The following FNDC3A variants were observed in gnomAD, a reference collection of about 807,000 sequenced individuals.
FNDC3A encodes fibronectin type-III domain-containing protein 3A.
Under a neutral mutation model 148.9 loss-of-function variants are expected in FNDC3A, and 32 were observed. The observed-to-expected ratio is 0.21, with a 90% CI of 0.16 to 0.29. The LOEUF is 0.29. FNDC3A is among the 10% of genes least tolerant of loss of function. The pLI, the probability that FNDC3A is intolerant of heterozygous loss-of-function variation, is 1.00. For missense variants in FNDC3A, 1,191 were observed against 1,452.8 expected (o/e 0.82, Z 2.93); for synonymous variants, 472 against 473.6 (o/e 1.00, Z 0.04).
Position 49,209,514 on chromosome 13 carries a change from AT to A in FNDC3A, c.*2120del, listed in dbSNP as rs1430219319. The A allele has an allele frequency of 6.5e-6, 1 of 152,672 alleles. No individual in the cohort carries two copies. The highest frequency in any genetic ancestry group is 2.4e-5 in the African/African-American group (1 of 41,460). The allele number at this position is 152,672 out of a possible 1,614,324, so 9.5% of individuals were successfully genotyped here. On this transcript the variant is annotated 3_prime_UTR_variant, in exon 26 of 26. Coordinates refer to ENST00000492622, the MANE Select transcript of FNDC3A (RefSeq NM_001079673.2). ...AATGAACTTCATACAAATGAAAAAA[AT>A]CTCATAAAAATACATAAACTATGTA...
intron 8 of FNDC3A, among the ~76,000 whole-genome samples, chr13:49,155,194 G>C (rs577190256): frequency 6.6e-6 from 1 of 152,094 alleles, no homozygotes; most frequent in Admixed American, 6.5e-5. Context: ...CACAATTTCA[G>C]CTCCTGTTAT....
chr13:49,203,802 G>GA (rs1245433135), intron 25 of FNDC3A, among the ~76,000 whole-genome samples: 15 of 152,140 alleles, frequency 9.9e-5, no homozygotes, highest in African/African-American at 3.6e-4. Context: ...TATTAAATCT[G>GA]ATGAACATAA....
chr13:49,204,931 C>G (rs966513754), intron 25 of FNDC3A, among the ~76,000 whole-genome samples: 2 of 152,156 alleles, frequency 1.3e-5, no homozygotes, highest in African/African-American at 4.8e-5. Context: ...TCATCTTGGT[C>G]TCCAAGCTTT....
chr13:49,054,584 C>A (rs1414597824), intron 2 of FNDC3A, among the ~76,000 whole-genome samples: 1 of 152,262 alleles, frequency 6.6e-6, no homozygotes, highest in East Asian at 1.9e-4. Flanking sequence ...TCACCTTTCT[C>A]ATCTCCAGAT....
intron 5 of FNDC3A, among the ~76,000 whole-genome samples, chr13:49,133,350 C>G (rs1445861927): frequency 6.6e-6 from 1 of 152,092 alleles, no homozygotes; most frequent in Admixed American, 6.5e-5. Context: ...GCTAGTATTA[C>G]AATTATTACT....
At chr13:49,088,249 A>T (rs976281465) in intron 3 of FNDC3A, among the ~76,000 whole-genome samples, 1 of 152,214 alleles carries the variant, frequency 6.6e-6, no homozygotes, top group African/African-American at 2.4e-5. Context: ...ATCCCAGTAG[A>T]TAGTTACATA....
At chr13:49,025,851 G>C (rs1323908600) in intron 2 of FNDC3A, among the ~76,000 whole-genome samples, 1 of 152,172 alleles carries the variant, frequency 6.6e-6, no homozygotes, top group African/African-American at 2.4e-5. Context: ...CAGTCAATTT[G>C]GAGAGTGATA....
intron 2 of FNDC3A, among the ~76,000 whole-genome samples, chr13:49,014,735 T>G (rs1472385339): frequency 7.5e-5 from 9 of 119,812 alleles, no homozygotes; most frequent in Admixed American, 1.8e-4. Flanking sequence ...GTTTTAGGTC[T>G]AACGTTTAAG....
chr13:48,991,176 C>G (rs1008830897), intron 1 of FNDC3A, among the ~76,000 whole-genome samples: 3 of 152,082 alleles, frequency 2.0e-5, no homozygotes, highest in Non-Finnish European at 2.9e-5. Context: ...AAAATTAAGA[C>G]CCAAATATTT....
intron 2 of FNDC3A, among the ~76,000 whole-genome samples, chr13:49,043,002 CTG>C (rs1875064340): frequency 6.6e-6 from 1 of 152,082 alleles, no homozygotes; most frequent in Admixed American, 6.5e-5. Context: ...GTCACCAAGA[CTG>C]GAATGCAGTG....
intron 1 of FNDC3A, among the ~76,000 whole-genome samples, chr13:48,997,740 G>T (rs1211090980): frequency 6.6e-6 from 1 of 152,182 alleles, no homozygotes; most frequent in Non-Finnish European, 1.5e-5. Context: ...GTTGTTTAAA[G>T]CAACCAGACT....
intron 8 of FNDC3A, among the ~76,000 whole-genome samples, chr13:49,153,946 G>A (rs1411086229): frequency 1.8e-4 from 24 of 136,070 alleles, no homozygotes; most frequent in Admixed American, 4.7e-4. Context: ...TTGAAGTCAG[G>A]TAGTGTGATA....
intron 8 of FNDC3A, among the ~76,000 whole-genome samples, chr13:49,159,319 T>G (rs901176368): frequency 2.0e-5 from 3 of 152,226 alleles, no homozygotes; most frequent in Admixed American, 6.5e-5. Flanking sequence ...GTAGTTCTCC[T>G]TGAAGAGGTC....
At chr13:49,070,889 TTTTTGTTTTGTTTTTTTTC>T (rs1385821786) in intron 2 of FNDC3A, among the ~76,000 whole-genome samples, 11 of 145,064 alleles carry the variant, frequency 7.6e-5, no homozygotes, top group Non-Finnish European at 1.2e-4. Flanking sequence ...TTCTTTTTTT[TTTTTGTTTTGTTTTTTTTC>T]TTTTTTTTGA....
At chr13:49,175,238 A>G (rs767967091) in intron 12 of FNDC3A, 129 bp from the exon 13 acceptor site, 1 of 555,716 alleles carries the variant, frequency 1.8e-6, no homozygotes, top group Non-Finnish European at 3.0e-6. Context: ...CAAACCCAAG[A>G]TATATTATTT....
In FNDC3A at chr13:49,169,443, T is replaced by C. The variant is rs115020435; in HGVS notation, c.1176+692T>C. On this transcript the variant is annotated intron_variant, in intron 10 of 25. Transcript: ENST00000492622. The stretch of plus-strand genomic sequence containing the variant: ...TTTGGTTCTTCAATTCTGATAGATA[T>C]TCAGAAGTCCTAGAGGAAGAGAACA... Among the ~76,000 whole-genome samples the C allele has an allele frequency of 8.3e-3, 1,257 of 152,290 alleles. 19 individuals are homozygous for C. Among genetic ancestry groups the C allele is most frequent in the African/African-American group, 0.029 (1,188 of 41,560 alleles).
chr13:49,121,979 C>T (rs1311712400), intron 4 of FNDC3A, among the ~76,000 whole-genome samples: 1 of 152,080 alleles, frequency 6.6e-6, no homozygotes, highest in Non-Finnish European at 1.5e-5. Flanking sequence ...AAAAGACGGA[C>T]TCCTCCCTAA....
chr13:48,993,625 A>G (rs1291753891), intron 1 of FNDC3A, among the ~76,000 whole-genome samples: 2 of 152,220 alleles, frequency 1.3e-5, no homozygotes, highest in Non-Finnish European at 2.9e-5. Context: ...TTTGAATGCT[A>G]GTAACACATG....
rs538477588 is a variant in FNDC3A at position 49,107,263 on chromosome 13, A to G, written c.176-7392A>G. Among the ~76,000 whole-genome samples the G allele has an allele frequency of 3.3e-5, 5 of 152,334 alleles. No homozygotes were observed. The South Asian group carries it at 1.0e-3, about 32-fold the overall frequency. On this transcript the variant is annotated intron_variant, in intron 3 of 25. Coordinates refer to ENST00000492622, the MANE Select transcript of FNDC3A (RefSeq NM_001079673.2). ...TAATGTTATATAGAGTTATGTTAGAAAGTAGAGTTATATAGAGTTATGTTA... is the reference window on the plus strand; with the variant it reads ...TAATGTTATATAGAGTTATGTTAGAGAGTAGAGTTATATAGAGTTATGTTA...
Sources: allele counts gnomAD v4.1 joint callset (sites outside exome capture counted in the v4.1 genomes callset), GRCh38; gene constraint gnomAD v4.1.1; transcripts MANE v1.5; gene names NCBI Gene and HGNC (gene_info 2026-07-23, HGNC 2026-07-21).